The following UXS1 variants were observed in gnomAD, a reference collection of about 807,000 sequenced individuals.
The protein encoded by UXS1 is UDP-glucuronate decarboxylase 1, also known as UDP-glucuronic acid decarboxylase 1.
Under a neutral mutation model 62.6 loss-of-function variants are expected in UXS1, and 33 were observed. The observed-to-expected ratio is 0.53, with a 90% CI of 0.40 to 0.70. The LOEUF (loss-of-function observed/expected upper bound fraction) is 0.70. UXS1 is among the 30% of genes least tolerant of loss of function. The pLI, the probability that UXS1 is intolerant of heterozygous loss-of-function variation, is 0.00. For missense variants in UXS1, 434 were observed against 556.3 expected, an observed-to-expected ratio of 0.78 and a Z score of 2.21; for synonymous variants, 213 against 206.8, an observed-to-expected ratio of 1.03 and a Z score of -0.26.
At chr2:106,120,892 G>A (rs1004085265) in intron 9 of UXS1, among the ~76,000 whole-genome samples, 7 of 152,222 alleles carry the variant, frequency 4.6e-5, no homozygotes, top group Non-Finnish European at 1.0e-4. Flanking sequence ...CAGGGTTCAC[G>A]TCAGGGATGC....
chr2:106,162,695 C>T (rs1682972289), intron 4 of UXS1, among the ~76,000 whole-genome samples: 1 of 152,178 alleles, frequency 6.6e-6, no homozygotes, highest in East Asian at 1.9e-4. Context: ...CCTTATATTA[C>T]TAAGGAATCT....
intron 4 of UXS1, among the ~76,000 whole-genome samples, chr2:106,162,904 A>G (rs1350323111): frequency 6.6e-6 from 1 of 152,250 alleles, no homozygotes; most frequent in African/African-American, 2.4e-5. Flanking sequence ...GGACTTGATA[A>G]AAGGCTCATT....
intron 11 of UXS1, among the ~76,000 whole-genome samples, chr2:106,104,394 C>T (rs770476526): frequency 6.6e-6 from 1 of 152,200 alleles, no homozygotes; most frequent in Non-Finnish European, 1.5e-5. Flanking sequence ...ACCTTGTGCC[C>T]TCCACAAGGA....
At chr2:106,193,905 TGCTAGGGGCCCCTCCGCCCGGGGTCC>T (rs1685098710) in intron 1 of UXS1, among the ~76,000 whole-genome samples, 1 of 151,646 alleles carries the variant, frequency 6.6e-6, no homozygotes, top group African/African-American at 2.4e-5. Flanking sequence ...GCCCGAGGAC[TGCTAGGGGCCCCTCCGCCCGGGGTCC>T]GCGCCCGGGC....
chr2:106,144,400 A>C (rs961650874), intron 6 of UXS1, among the ~76,000 whole-genome samples: 1 of 152,238 alleles, frequency 6.6e-6, no homozygotes, highest in Admixed American at 6.5e-5. Flanking sequence ...CAGCAAGAAG[A>C]ATATGAACAG....
In UXS1 at chr2:106,156,120, TA is replaced by T. The variant is rs1573529209; in HGVS notation, c.291+1937del. On this transcript the variant is annotated intron_variant, in intron 5 of 14. Transcript: ENST00000283148. ...TAAAAAGAGAACCCACAGAATGAGATAAAATATTTACAAATAATATACCTGA... is the reference window on the plus strand; with the variant it reads ...TAAAAAGAGAACCCACAGAATGAGATAAATATTTACAAATAATATACCTGA... 4.6e-5 allele frequency among the ~76,000 whole-genome samples: 7 copies of T among 152,172 alleles called. No individual in the cohort carries two copies. The East Asian group carries it at 7.7e-4, about 17-fold the overall frequency.
chr2:106,191,915 TGC>T (rs1435501075), intron 1 of UXS1, among the ~76,000 whole-genome samples: 2 of 152,232 alleles, frequency 1.3e-5, no homozygotes, highest in Non-Finnish European at 2.9e-5. Flanking sequence ...TTCCAATTCA[TGC>T]CCACCTCACC....
intron 1 of UXS1, among the ~76,000 whole-genome samples, chr2:106,172,863 C>T (rs1174360486): frequency 6.6e-6 from 1 of 152,198 alleles, no homozygotes; most frequent in Admixed American, 6.5e-5. Context: ...AGACTTGCCA[C>T]ACCTGCCTGC....
chr2:106,182,629 T>C (rs1530323), intron 1 of UXS1, among the ~76,000 whole-genome samples: 149,268 of 152,296 alleles, frequency 0.98, 73,209 homozygotes, highest in South Asian at 1. Flanking sequence ...CCCACGGGCA[T>C]GATCCTCAGC....
At chr2:106,118,821 A>G (rs139148372) in intron 9 of UXS1, among the ~76,000 whole-genome samples, 1 of 152,298 alleles carries the variant, frequency 6.6e-6, no homozygotes, top group Non-Finnish European at 1.5e-5. Context: ...TATATTTTCA[A>G]TCTTTACATA....
intron 9 of UXS1, among the ~76,000 whole-genome samples, chr2:106,114,148 G>T (rs988165657): frequency 1.2e-4 from 19 of 152,290 alleles, no homozygotes; most frequent in African/African-American, 4.6e-4. Context: ...CCCACAGCAG[G>T]CTTGTCAATT....
At chr2:106,192,796 A>G (rs1685014117) in intron 1 of UXS1, among the ~76,000 whole-genome samples, 1 of 152,146 alleles carries the variant, frequency 6.6e-6, no homozygotes, top group Non-Finnish European at 1.5e-5. Flanking sequence ...CACCTCTAAA[A>G]TAGGAATCAT....
At chr2:106,110,050 A>C (rs761532558) in intron 10 of UXS1, among the ~76,000 whole-genome samples, 25 of 152,206 alleles carry the variant, frequency 1.6e-4, no homozygotes, top group Non-Finnish European at 3.2e-4. Context: ...GCCATCTGAC[A>C]AGAGCAAGGC....
chr2:106,170,901 T>A (rs1402476916), intron 1 of UXS1, among the ~76,000 whole-genome samples: 1 of 152,260 alleles, frequency 6.6e-6, no homozygotes, highest in Non-Finnish European at 1.5e-5. Context: ...AACAGATAGC[T>A]GGGCATTACT....
intron 6 of UXS1, chr2:106,138,701 C>T (rs1023228786): frequency 2.6e-5 from 26 of 985,376 alleles, no homozygotes; most frequent in East Asian, 1.1e-4. Context: ...ACTGCTGCTC[C>T]GGAAGGCTGA....
chr2:106,103,144 G>A (rs1573399604), intron 11 of UXS1, among the ~76,000 whole-genome samples: 1 of 152,358 alleles, frequency 6.6e-6, no homozygotes, highest in African/African-American at 2.4e-5. Flanking sequence ...GGTGCATTTT[G>A]TCCTGAGCTG....
In UXS1 at chr2:106,138,013, T is replaced by C. The variant is rs1380659454; in HGVS notation, c.472+7177A>G. Among the ~76,000 whole-genome samples the C allele has an allele frequency of 3.3e-5, 5 of 152,082 alleles. No homozygotes were observed. In the East Asian group the frequency reaches 7.7e-4, roughly 23 times the overall value. On this transcript the variant is annotated intron_variant, in intron 6 of 14. Coordinates refer to ENST00000283148, the MANE Select transcript of UXS1 (RefSeq NM_001253875.2). The stretch of plus-strand genomic sequence containing the variant: ...ATAAACAACTCTGTATGGGCTGTGA[T>C]CTTACACAACAAATTATTCATCATT...
rs1573545615 is a variant in UXS1, at chr2:106,163,814, C to A, written c.187-104G>T. On this transcript the variant is annotated intron_variant, in intron 3 of 14. Coordinates refer to ENST00000283148, the MANE Select transcript of UXS1 (RefSeq NM_001253875.2). ...GATAAGGCAAAACAGGTTTTAATTT[C>A]TTCTACAAATTAACTTCCAGTTTGA... The A allele has an allele frequency of 6.5e-6, 4 of 610,722 alleles. No homozygotes were observed. In the East Asian group the frequency reaches 1.1e-4, roughly 16 times the overall value. The allele number at this position is 610,722 out of a possible 1,614,324, so 37.8% of individuals were successfully genotyped here.
intron 6 of UXS1, among the ~76,000 whole-genome samples, chr2:106,142,464 A>AT (rs1290120044): frequency 1.3e-5 from 2 of 152,070 alleles, no homozygotes; most frequent in Non-Finnish European, 2.9e-5. Context: ...TATTTTTGTA[A>AT]TTTTCCAGAT....
Sources: gnomAD v4.1 joint callset for allele counts (sites outside exome capture counted in the v4.1 genomes callset) on GRCh38, gnomAD v4.1.1 for gene constraint, MANE v1.5 for transcripts, NCBI Gene and HGNC (gene_info 2026-07-23, HGNC 2026-07-21) for gene names.